The following THBS2 variants were observed in gnomAD, a reference collection of about 807,000 sequenced individuals.
The protein encoded by THBS2 is thrombospondin 2.
THBS2 carries 47 observed loss-of-function variants against 135.2 expected under a neutral mutation model. The observed-to-expected ratio is 0.35, with a 90% CI of 0.28 to 0.44. THBS2 has a LOEUF of 0.44. Among genes scored for constraint, THBS2 ranks in the 20% least tolerant of loss-of-function variants. The probability of loss-of-function intolerance (pLI) is 1.00; values close to 1 mark genes in which losing one functional copy is unlikely to be tolerated. For missense variants in THBS2, 1,288 were observed against 1,603.1 expected (o/e 0.80, Z 3.36); for synonymous variants, 639 against 633.8 (o/e 1.01, Z -0.12).
Position 169,234,923 on chromosome 6 carries a change from AC to A in THBS2, c.1478-17del, listed in dbSNP as rs1201115808. On this transcript the variant is annotated splice_polypyrimidine_tract_variant and intron_variant, in intron 9 of 21. Transcript: ENST00000617924. ...CGGCCATCGACTGCGGGGAAAGCCA[AC>A]CAGGGGGAGCTCAGAGCAAGACCCG... is the stretch of plus-strand genomic sequence containing the variant. The A allele has an allele frequency of 1.9e-6, 3 of 1,579,458 alleles. No homozygotes were observed. The highest frequency in any genetic ancestry group is 2.6e-6 in the Non-Finnish European group (3 of 1,161,382).
chr6:169,228,339 G>A (rs771656695), intron 14 of THBS2, 58 bp from the exon 15 acceptor site: 81 of 1,585,760 alleles, frequency 5.1e-5, no homozygotes, highest in African/African-American at 6.7e-5. Flanking sequence ...GTGTCGGGCC[G>A]TTTAGCACTT....
Position 169,234,911 on chromosome 6 carries a change from C to G in THBS2, c.1478-4G>C. ...CAGGGGCTCCAGCGGCCATCGACTG[C>G]GGGGAAAGCCAACCAGGGGGAGCTC... On this transcript the variant is annotated splice_polypyrimidine_tract_variant and splice_region_variant and intron_variant, in intron 9 of 21. Transcript: ENST00000617924. 6.3e-7 allele frequency: 1 copy of G among 1,582,466 alleles called. No individual in the cohort carries two copies. Among genetic ancestry groups the G allele is most frequent in the Non-Finnish European group, 8.6e-7 (1 of 1,162,888 alleles).
intron 15 of THBS2, among the ~76,000 whole-genome samples, chr6:169,227,161 G>A (rs1241956170): frequency 2.0e-5 from 3 of 152,178 alleles, no homozygotes; most frequent in Admixed American, 1.3e-4. Flanking sequence ...GCAGGTTGGG[G>A]TGGCTCAGAA....
intron 12 of THBS2, 69 bp from the exon 13 acceptor site, chr6:169,232,267 G>A (rs1280616044): frequency 5.6e-5 from 86 of 1,546,276 alleles, no homozygotes; most frequent in Non-Finnish European, 7.2e-5. Context: ...GAGGCGGGGC[G>A]TCGGGCACCG....
intron 19 of THBS2, among the ~76,000 whole-genome samples, 168 bp from the exon 20 acceptor site, chr6:169,221,695 T>G (rs1779436700): frequency 6.6e-6 from 1 of 152,210 alleles, no homozygotes; most frequent in African/African-American, 2.4e-5. Flanking sequence ...TACTGTGGAT[T>G]GAAGCCCATG....
rs375360244 is a variant in THBS2, at chr6:169,237,812, A to G, written c.1130-17T>C. 1 of 1,605,150 alleles carries G rather than the reference A, an allele frequency of 6.2e-7. No individual in the cohort carries two copies. On this transcript the variant is annotated splice_polypyrimidine_tract_variant and intron_variant, in intron 7 of 21. Coordinates refer to ENST00000617924, the MANE Select transcript of THBS2 (RefSeq NM_003247.5). Reference sequence around the variant, plus strand: ...CGTCCACCGCTGCCAGAGGAAGCAAACACGGTGGCATCAGGCCCTGCCTCA... The same window carrying G: ...CGTCCACCGCTGCCAGAGGAAGCAAGCACGGTGGCATCAGGCCCTGCCTCA...
Position 169,234,547 on chromosome 6 carries a change from CTT to C in THBS2, c.1651+185_1651+186del, listed in dbSNP as rs1211960109. 4 of 643,546 alleles carry C rather than the reference CTT, an allele frequency of 6.2e-6. No homozygotes were observed. In the East Asian group the frequency reaches 9.6e-5, roughly 15 times the overall value. The allele number at this position is 643,546 out of a possible 1,614,324, so 39.9% of individuals were successfully genotyped here. ...TTCCACAGGCCACGCCACCTGGCAT[CTT>C]TTTTGTTTTTACATTAGAAATACAG... On this transcript the variant is annotated intron_variant, in intron 10 of 21. Transcript: ENST00000617924.
At chr6:169,250,642 C>G (rs867367985) in intron 2 of THBS2, 91 bp downstream of exon 2, 2 of 1,230,028 alleles carry the variant, frequency 1.6e-6, no homozygotes, top group African/African-American at 3.0e-5. Context: ...TAAGATTGTC[C>G]AACCACACAC....
At position 169,241,008 on chromosome 6, in the gene THBS2, T is replaced by G. The variant is rs1780270068; in HGVS notation, c.892-416A>C. ...CGCCACCCTCCCTGCCCCGGTCTCC[T>G]GCCATCGACCCCCTCCCTGCCCCAG... On this transcript the variant is annotated intron_variant, in intron 5 of 21. Coordinates refer to ENST00000617924, the MANE Select transcript of THBS2 (RefSeq NM_003247.5). The surrounding 1 kb of genome is among the most constrained non-coding windows in gnomAD (Gnocchi z 5.5). 6.7e-6 allele frequency among the ~76,000 whole-genome samples: 1 copy of G among 148,614 alleles called. No homozygotes were observed. Among genetic ancestry groups the G allele is most frequent in the African/African-American group, 2.6e-5 (1 of 39,126 alleles).
In THBS2 at chr6:169,217,469, T is replaced by TATAC. The variant is rs1779216285; in HGVS notation, c.*349_*352dup. 1 of 284,924 alleles carries TATAC rather than the reference T, an allele frequency of 3.5e-6. No individual in the cohort carries two copies. The highest frequency in any genetic ancestry group is 6.5e-6 in the Non-Finnish European group (1 of 153,706). 17.6% of individuals were successfully genotyped at this position (284,924 alleles called of 1,614,324 possible). A position where few individuals can be genotyped will look rare whatever the true frequency, so the allele number is the denominator to read the frequency against. On this transcript the variant is annotated 3_prime_UTR_variant, in exon 22 of 22. Coordinates refer to ENST00000617924, the MANE Select transcript of THBS2 (RefSeq NM_003247.5). ...ATGCACAGTATTCCCTTCAACTCCA[T>TATAC]ATACACATAAATACAATAAGTAATT...
At chr6:169,226,731 T>A (rs992012495) in intron 15 of THBS2, among the ~76,000 whole-genome samples, 1 of 152,174 alleles carries the variant, frequency 6.6e-6, no homozygotes, top group African/African-American at 2.4e-5. Context: ...ATGTCATATC[T>A]TATCTTAAGA....
intron 13 of THBS2, 63 bp downstream of exon 13, chr6:169,231,917 C>A: frequency 1.3e-6 from 2 of 1,557,280 alleles, no homozygotes; most frequent in African/African-American, 1.4e-5. Context: ...GCGTAGCGTC[C>A]CCGGCGCCAG....
rs1017922280 is a variant in THBS2, at chr6:169,241,062, C to T, written c.892-470G>A. On this transcript the variant is annotated intron_variant, in intron 5 of 21. Coordinates refer to ENST00000617924, the MANE Select transcript of THBS2 (RefSeq NM_003247.5). The surrounding 1 kb of genome is among the most constrained non-coding windows in gnomAD (Gnocchi z 5.5). ...CCTGCCCTCGCCGCCCTCCCTGCCC[C>T]GGACTCCTGCCCCTGCCGCCCTCCC... 4.0e-5 allele frequency among the ~76,000 whole-genome samples: 6 copies of T among 151,502 alleles called. No individual in the cohort carries two copies. The highest frequency in any genetic ancestry group is 2.6e-4 in the Admixed American group (4 of 15,192).
At chr6:169,246,033 G>A (rs1780543602) in intron 4 of THBS2, 164 bp downstream of exon 4, 1 of 476,164 alleles carries the variant, frequency 2.1e-6, no homozygotes, top group African/African-American at 1.9e-5. Context: ...TGTCTAAGTT[G>A]ACCAGCTAAG....
At chr6:169,243,875 C>G (rs759734537) in intron 4 of THBS2, among the ~76,000 whole-genome samples, 7 of 152,208 alleles carry the variant, frequency 4.6e-5, no homozygotes, top group Non-Finnish European at 8.8e-5. Context: ...TCAGCCTCTT[C>G]ACAAGGTTAC....
At chr6:169,221,831 G>A (rs1779441153) in intron 19 of THBS2, among the ~76,000 whole-genome samples, 1 of 152,092 alleles carries the variant, frequency 6.6e-6, no homozygotes, top group Admixed American at 6.5e-5. Context: ...CTTGATATGG[G>A]ATGTTGGGCA....
In THBS2 at chr6:169,234,716, C is replaced by T. The variant is rs1188097825; in HGVS notation, c.1651+18G>A. The stretch of plus-strand genomic sequence containing the variant: ...GGAAGCCCGGGTTTCAGTGCCCCCG[C>T]TTCTACCCCTCACTCACCCACGGGG... On this transcript the variant is annotated intron_variant, in intron 10 of 21. Transcript: ENST00000617924. The T allele has an allele frequency of 6.5e-7, 1 of 1,529,558 alleles. No homozygotes were observed. The highest frequency in any genetic ancestry group is 2.0e-5 in the Admixed American group (1 of 50,440). 94.7% of individuals were successfully genotyped at this position (1,529,558 alleles called of 1,614,324 possible).
chr6:169,249,919 A>G (rs1014929838), intron 2 of THBS2, among the ~76,000 whole-genome samples: 1 of 151,748 alleles, frequency 6.6e-6, no homozygotes, highest in Admixed American at 6.6e-5. Flanking sequence ...AGTCCCAGCT[A>G]CTCGGGAGGC....
chr6:169,217,875 C>T, intron 21 of THBS2, 46 bp from the exon 22 acceptor site: 1 of 1,570,348 alleles, frequency 6.4e-7, no homozygotes, highest in Non-Finnish European at 8.7e-7. Context: ...CATAACTGGG[C>T]CATGGGTAGT....
Sources: allele counts gnomAD v4.1 joint callset (sites outside exome capture counted in the v4.1 genomes callset), GRCh38; gene constraint gnomAD v4.1.1; non-coding constraint Gnocchi (gnomAD v3.1); transcripts MANE v1.5; gene names NCBI Gene and HGNC (gene_info 2026-07-23, HGNC 2026-07-21).